MFF: variants seen among roughly 807,000 people sequenced by gnomAD.
The protein encoded by MFF is mitochondrial fission factor.
MFF carries 12 observed loss-of-function variants against 36.9 expected under a neutral mutation model. The observed-to-expected ratio is 0.33, with a 90% CI of 0.21 to 0.53. The LOEUF (loss-of-function observed/expected upper bound fraction) is 0.53. MFF is among the 20% of genes least tolerant of loss of function. MFF has a pLI of 0.95. For missense variants in MFF, 348 were observed against 366.6 expected (o/e 0.95, Z 0.42); for synonymous variants, 99 against 126.2 (o/e 0.78, Z 1.44).
At chr2:227,328,295 C>CAA (rs869086091) in intron 1 of MFF, among the ~76,000 whole-genome samples, 93 of 72,552 alleles carry the variant, frequency 1.3e-3, no homozygotes, top group African/African-American at 2.9e-3. Context: ...GCCCGGGTGA[C>CAA]AAAAAAAAAA....
chr2:227,331,352 G>T (rs552776207), intron 3 of MFF, among the ~76,000 whole-genome samples: 15 of 152,302 alleles, frequency 9.8e-5, no homozygotes, highest in African/African-American at 3.4e-4. Flanking sequence ...GCATATATCA[G>T]TTGTTCATTC....
At chr2:227,336,798 A>G (rs1426948790) in intron 4 of MFF, among the ~76,000 whole-genome samples, 1 of 152,232 alleles carries the variant, frequency 6.6e-6, no homozygotes, top group East Asian at 1.9e-4. Context: ...CTGTAATTCT[A>G]CCGTAAAGAA....
intron 5 of MFF, chr2:227,342,671 A>C: frequency 8.1e-7 from 1 of 1,239,138 alleles, no homozygotes; most frequent in Non-Finnish European, 1.2e-6. Flanking sequence ...AATTCTAAAC[A>C]GTAAAATCAG....
At chr2:227,325,616 C>T (rs2074041295) in intron 1 of MFF, 189 bp downstream of exon 1, 1 of 152,304 alleles carries the variant, frequency 6.6e-6, no homozygotes, top group African/African-American at 2.4e-5. Context: ...CTCCCCGGGA[C>T]CTTGAGTCCC....
intron 6 of MFF, among the ~76,000 whole-genome samples, chr2:227,350,973 CTG>C (rs764467081): frequency 5.9e-5 from 9 of 152,102 alleles, no homozygotes; most frequent in South Asian, 2.1e-4. Context: ...TGAAAGGTAA[CTG>C]TATTATTTTC....
intron 5 of MFF, among the ~76,000 whole-genome samples, chr2:227,341,983 G>C (rs1217938065): frequency 6.6e-6 from 1 of 152,030 alleles, no homozygotes; most frequent in African/African-American, 2.4e-5. Context: ...GTCCAGTGAA[G>C]TATAATTTAG....
intron 6 of MFF, chr2:227,351,783 C>T (rs1380198895): frequency 6.6e-6 from 1 of 152,234 alleles, no homozygotes; most frequent in Non-Finnish European, 1.5e-5. Context: ...TGGAAATCCC[C>T]ACCAAGTTTC....
At chr2:227,344,943 T>C (rs1236462973) in intron 5 of MFF, among the ~76,000 whole-genome samples, 1 of 152,212 alleles carries the variant, frequency 6.6e-6, no homozygotes, top group Non-Finnish European at 1.5e-5. Context: ...TCTACATAAG[T>C]ATTTTTCATG....
chr2:227,336,926 C>G (rs1237685801), intron 4 of MFF, among the ~76,000 whole-genome samples: 1 of 152,184 alleles, frequency 6.6e-6, no homozygotes, highest in Non-Finnish European at 1.5e-5. Flanking sequence ...CCCAGGGACT[C>G]AGTGAATATT....
intron 1 of MFF, among the ~76,000 whole-genome samples, chr2:227,328,028 A>G (rs563940075): frequency 9.2e-5 from 14 of 152,340 alleles, no homozygotes; most frequent in African/African-American, 2.9e-4. Flanking sequence ...CGTACTTTGT[A>G]CCGAGTACAT....
intron 4 of MFF, among the ~76,000 whole-genome samples, chr2:227,333,630 G>A (rs183595426): frequency 3.3e-5 from 5 of 152,228 alleles, no homozygotes; most frequent in Admixed American, 2.6e-4. Flanking sequence ...AGACATCAAC[G>A]CATGCAGAAG....
intron 5 of MFF, among the ~76,000 whole-genome samples, chr2:227,344,112 T>C (rs1300109279): frequency 1.3e-5 from 2 of 152,204 alleles, no homozygotes; most frequent in East Asian, 1.9e-4. Context: ...GTAACTCTTA[T>C]GTGATAAGAT....
Position 227,340,314 on chromosome 2 carries a change from A to C in MFF, c.374A>C (p.Lys125Thr). 2 of 1,614,030 alleles carry C rather than the reference A, an allele frequency of 1.2e-6. No homozygotes were observed. The highest frequency in any genetic ancestry group is 1.7e-4 in the Middle Eastern group (1 of 6,058). ...CAGATCCGAGCAGTTGGCAGACTAA[A>C]AAGAGAGCGGTCTATGAGTGAAAAT... ...NEEIRAVGRL[K>T]RERSMSENAV... Residue 125 changes from lysine (K) to threonine (T), a missense_variant, in exon 5 of 9, where the codon AAA (lysine) becomes ACA (threonine). Coordinates refer to ENST00000304593, the MANE Select transcript of MFF (RefSeq NM_001277062.2).
chr2:227,329,926 A>AG, intron 2 of MFF: 1 of 518,138 alleles, frequency 1.9e-6, no homozygotes, highest in Non-Finnish European at 3.5e-6. Flanking sequence ...ACTGCATTAA[A>AG]AAAAAAAACA....
At chr2:227,339,279 A>G (rs1018618304) in intron 4 of MFF, among the ~76,000 whole-genome samples, 4 of 152,166 alleles carry the variant, frequency 2.6e-5, no homozygotes, top group Non-Finnish European at 2.9e-5. Context: ...ATTTCTGTGT[A>G]ACAAATCATC....
rs572787657 is a variant in MFF at position 227,331,959 on chromosome 2, A to ATATTTT, written c.182-459_182-458insATTTTT. Among the ~76,000 whole-genome samples, 398 of 76,838 alleles carry ATATTTT rather than the reference A, an allele frequency of 5.2e-3. 92 individuals are homozygous for ATATTTT. The highest frequency in any genetic ancestry group is 0.012 in the African/African-American group (274 of 21,960). The allele number at this position is 76,838 out of a possible 152,430, so 50.4% of individuals were successfully genotyped here. On this transcript the variant is annotated intron_variant, in intron 3 of 8. Coordinates refer to ENST00000304593, the MANE Select transcript of MFF (RefSeq NM_001277062.2). ...AGTGAAATGTCAATACGCTGGAAGC[A>ATATTTT]TTTTTTTTTTTTTTTTTTTTTTTTT...
intron 8 of MFF, 30 bp from the exon 9 acceptor site, chr2:227,356,954 TTA>T (rs778806013): frequency 4.5e-6 from 7 of 1,561,272 alleles, no homozygotes; most frequent in Non-Finnish European, 6.2e-6. Context: ...AGCCTCTATA[TTA>T]TATTTTTTGT....
chr2:227,348,070 T>C (rs963970611), intron 6 of MFF, among the ~76,000 whole-genome samples: 8 of 152,194 alleles, frequency 5.3e-5, no homozygotes, highest in Admixed American at 4.6e-4. Flanking sequence ...TTCAGGGAGC[T>C]TTTTTGGCAT....
chr2:227,326,226 G>GAA (rs58063493), intron 1 of MFF, among the ~76,000 whole-genome samples: 2 of 133,784 alleles, frequency 1.5e-5, no homozygotes, highest in African/African-American at 2.7e-5. Context: ...CATTAAAGGG[G>GAA]AAAAAAAAAA....
Sources: allele counts gnomAD v4.1 joint callset (sites outside exome capture counted in the v4.1 genomes callset), GRCh38; gene constraint gnomAD v4.1.1; transcripts MANE v1.5; gene names NCBI Gene and HGNC (gene_info 2026-07-23, HGNC 2026-07-21).